The following SMAD6 variants were observed in gnomAD, a reference collection of about 807,000 sequenced individuals.
The protein encoded by SMAD6 is MAD homolog 6.
Under a neutral mutation model 39.4 loss-of-function variants are expected in SMAD6, and 103 were observed. The observed-to-expected ratio is 2.62, with a 90% CI of 2.23 to 3.08. SMAD6 has a LOEUF of 3.08. SMAD6 is among the 30% of genes most tolerant of loss of function. SMAD6 has a pLI of 0.00. For synonymous variants in SMAD6, 445 were observed against 353.3 expected (o/e 1.26, Z -2.91); for missense variants, 1,104 against 742.9 (o/e 1.49, Z -5.65).
intron 3 of SMAD6, among the ~76,000 whole-genome samples, chr15:66,720,878 T>A (rs1893420417): frequency 6.6e-6 from 1 of 152,186 alleles, no homozygotes; most frequent in Non-Finnish European, 1.5e-5. Flanking sequence ...ACCTTGGCCC[T>A]CTGTGCCTGG....
intron 3 of SMAD6, among the ~76,000 whole-genome samples, chr15:66,777,182 G>A (rs1894481834): frequency 6.6e-6 from 1 of 152,182 alleles, no homozygotes; most frequent in Admixed American, 6.5e-5. Flanking sequence ...GACGCCCTGG[G>A]ACTGAGAGTT....
intron 3 of SMAD6, among the ~76,000 whole-genome samples, chr15:66,744,059 T>G (rs547718879): frequency 1.3e-5 from 2 of 152,156 alleles, no homozygotes; most frequent in Non-Finnish European, 2.9e-5. Context: ...GAAGTGGGAT[T>G]GCCAGGTCAA....
intron 3 of SMAD6, among the ~76,000 whole-genome samples, chr15:66,719,429 C>A (rs1567097397): frequency 6.6e-6 from 1 of 152,122 alleles, no homozygotes; most frequent in Non-Finnish European, 1.5e-5. Context: ...TGGGGACCAC[C>A]CAGAGATCAC....
At chr15:66,743,446 G>A (rs2140639089) in intron 3 of SMAD6, among the ~76,000 whole-genome samples, 1 of 152,158 alleles carries the variant, frequency 6.6e-6, no homozygotes, top group East Asian at 1.9e-4. Context: ...GATCACGTAT[G>A]CCCATACCTC....
intron 1 of SMAD6, among the ~76,000 whole-genome samples, 189 bp from the exon 2 acceptor site, chr15:66,711,479 A>G (rs1007142201): frequency 2.0e-5 from 3 of 152,304 alleles, no homozygotes; most frequent in Non-Finnish European, 2.9e-5. Flanking sequence ...GATTGAGCCC[A>G]TATCTGTCTG....
At chr15:66,745,117 C>G (rs1893884621) in intron 3 of SMAD6, among the ~76,000 whole-genome samples, 1 of 152,236 alleles carries the variant, frequency 6.6e-6, no homozygotes, top group Admixed American at 6.5e-5. Context: ...GCAGGACCCT[C>G]CAAGGTGGCT....
chr15:66,746,634 G>A (rs1332796074), intron 3 of SMAD6, among the ~76,000 whole-genome samples: 1 of 152,186 alleles, frequency 6.6e-6, no homozygotes, highest in Non-Finnish European at 1.5e-5. Context: ...GGGAGGCTGA[G>A]ACAGTGACTG....
chr15:66,763,839 C>T (rs564168830), intron 3 of SMAD6, among the ~76,000 whole-genome samples: 2 of 152,232 alleles, frequency 1.3e-5, no homozygotes, highest in Non-Finnish European at 2.9e-5. Flanking sequence ...GTTGGCAGAG[C>T]CCCCTGGCCA....
rs2140682969 is a variant in SMAD6, at chr15:66,781,758, G to A, written c.*223G>A. The A allele has an allele frequency of 4.9e-6, 2 of 404,796 alleles. No homozygotes were observed. The highest frequency in any genetic ancestry group is 7.1e-5 in the East Asian group (2 of 28,224). 25.1% of individuals were successfully genotyped at this position (404,796 alleles called of 1,614,324 possible). A position where few individuals can be genotyped will look rare whatever the true frequency, so the allele number is the denominator to read the frequency against. The stretch of plus-strand genomic sequence containing the variant: ...TAATTATTTATGTATGGTGCAATGT[G>A]TGTATATGGACAAAACAAGAAAGAC... On this transcript the variant is annotated 3_prime_UTR_variant, in exon 4 of 4. Coordinates refer to ENST00000288840, the MANE Select transcript of SMAD6 (RefSeq NM_005585.5).
At chr15:66,731,816 A>G (rs1893635782) in intron 3 of SMAD6, among the ~76,000 whole-genome samples, 2 of 152,164 alleles carry the variant, frequency 1.3e-5, no homozygotes, top group South Asian at 4.1e-4. Flanking sequence ...AAGTGGTTGT[A>G]CCATTTTGCA....
intron 3 of SMAD6, among the ~76,000 whole-genome samples, chr15:66,729,185 G>C (rs750104345): frequency 3.9e-5 from 6 of 152,106 alleles, no homozygotes; most frequent in Non-Finnish European, 8.8e-5. Context: ...CGGAGGTGGT[G>C]GCCATCCTGC....
At chr15:66,750,789 C>A (rs1325610250) in intron 3 of SMAD6, among the ~76,000 whole-genome samples, 13 of 152,178 alleles carry the variant, frequency 8.5e-5, no homozygotes, top group Admixed American at 8.5e-4. Flanking sequence ...TGCTATCCTC[C>A]TTATGGGGTG....
At chr15:66,772,218 TAG>T (rs1894391065) in intron 3 of SMAD6, among the ~76,000 whole-genome samples, 1 of 152,204 alleles carries the variant, frequency 6.6e-6, no homozygotes, top group African/African-American at 2.4e-5. Flanking sequence ...TAAGCCTAGA[TAG>T]ATGGAAGCTC....
At chr15:66,727,018 G>A (rs1893533607) in intron 3 of SMAD6, among the ~76,000 whole-genome samples, 1 of 152,072 alleles carries the variant, frequency 6.6e-6, no homozygotes, top group Non-Finnish European at 1.5e-5. Flanking sequence ...CCTGGCCGGT[G>A]CCTGATTACT....
rs535514517 is a variant in SMAD6 at position 66,761,866 on chromosome 15, C to G, written c.953-19131C>G. ...ACCCTGTACTTTTCAGAGCTTTTAC[C>G]AACCCAAGAATGGCATGCCCACCTC... is the stretch of plus-strand genomic sequence containing the variant. On this transcript the variant is annotated intron_variant, in intron 3 of 3. Coordinates refer to ENST00000288840, the MANE Select transcript of SMAD6 (RefSeq NM_005585.5). 2.6e-5 allele frequency among the ~76,000 whole-genome samples: 4 copies of G among 152,246 alleles called. No individual in the cohort carries two copies. The South Asian group carries it at 8.3e-4, about 32-fold the overall frequency.
chr15:66,703,285 G>A lies in SMAD6; in HGVS notation c.27G>A (p.Leu9=), dbSNP rs893776018. 1 of 1,490,838 alleles carries A rather than the reference G, an allele frequency of 6.7e-7. No homozygotes were observed. The highest frequency in any genetic ancestry group is 1.3e-5 in the South Asian group (1 of 78,148). The allele number at this position is 1,490,838 out of a possible 1,614,324, so 92.4% of individuals were successfully genotyped here. A position where few individuals can be genotyped will look rare whatever the true frequency, so the allele number is the denominator to read the frequency against. MFRSKRSG[L]VRRLWRSRVV... The stretch of plus-strand genomic sequence containing the variant: ...TGTTCAGGTCCAAACGCTCGGGGCT[G>A]GTGCGGCGACTTTGGCGAAGTCGTG... The change falls in exon 1 of 4, where the codon CTG becomes CTA. Residue 9 remains leucine, a synonymous_variant. Coordinates refer to ENST00000288840, the MANE Select transcript of SMAD6 (RefSeq NM_005585.5).
At chr15:66,730,330 G>T (rs1352940326) in intron 3 of SMAD6, among the ~76,000 whole-genome samples, 3 of 152,140 alleles carry the variant, frequency 2.0e-5, no homozygotes, top group Non-Finnish European at 4.4e-5. Flanking sequence ...TGTCGGTAAG[G>T]TTCATGAAAA....
chr15:66,742,025 G>T (rs957275223), intron 3 of SMAD6, among the ~76,000 whole-genome samples: 4 of 152,312 alleles, frequency 2.6e-5, no homozygotes, highest in African/African-American at 7.2e-5. Context: ...CTGTTTCCCT[G>T]CAACTTTCCA....
intron 3 of SMAD6, among the ~76,000 whole-genome samples, chr15:66,764,323 G>T (rs1894254259): frequency 6.6e-6 from 1 of 151,122 alleles, no homozygotes; most frequent in African/African-American, 2.4e-5. Context: ...CGACCCAGCT[G>T]CTTTCGGAAT....
Sources: allele counts gnomAD v4.1 joint callset (sites outside exome capture counted in the v4.1 genomes callset), GRCh38; gene constraint gnomAD v4.1.1; transcripts MANE v1.5; gene names NCBI Gene and HGNC (gene_info 2026-07-23, HGNC 2026-07-21).